The following LAMB3 variants were observed in gnomAD, a reference collection of about 807,000 sequenced individuals.
LAMB3 encodes laminin subunit beta 3.
A neutral mutation model predicts 140.3 loss-of-function variants in LAMB3; 104 were observed. That is an observed-to-expected ratio of 0.74 (90% confidence interval 0.63 to 0.87). LAMB3 has a LOEUF of 0.87. Ranked by LOEUF, LAMB3 falls within the 40% of genes least tolerant of loss-of-function variation. The probability of loss-of-function intolerance (pLI) is 0.00; values close to 1 mark genes in which losing one functional copy is unlikely to be tolerated. For synonymous variants in LAMB3, 592 were observed against 602.9 expected, an observed-to-expected ratio of 0.98 and a Z score of 0.26; for missense variants, 1,531 against 1,575.2, an observed-to-expected ratio of 0.97 and a Z score of 0.47.
intron 18 of LAMB3, among the ~76,000 whole-genome samples, chr1:209,622,168 G>T (rs1009239572): frequency 1.3e-5 from 2 of 152,222 alleles, no homozygotes; most frequent in Admixed American, 6.5e-5. Context: ...AGAGCCCAAG[G>T]TCACTCCCAA....
In LAMB3 at chr1:209,630,608, C is replaced by A; in HGVS notation, c.943+7G>T. On this transcript the variant is annotated splice_region_variant and intron_variant, in intron 9 of 22. Coordinates refer to ENST00000356082, the MANE Select transcript of LAMB3 (RefSeq NM_000228.3). ...CCTACAGGGGAGGGGTGATCCAAAG[C>A]TCCTACTTTGGCATTCATGGGCGTC... The A allele has an allele frequency of 6.2e-7, 1 of 1,614,168 alleles. No individual in the cohort carries two copies. Among genetic ancestry groups the A allele is most frequent in the Non-Finnish European group, 8.5e-7 (1 of 1,180,042 alleles).
rs367703401 is a variant in LAMB3 at position 209,616,451 on chromosome 1, C to T, written c.3382+20G>A. ...CTTCATGAATGCCCAATAGTCCATG[C>T]CCCTAAACCATTCCCTCACCTTTCA... On this transcript the variant is annotated intron_variant, in intron 22 of 22. Coordinates refer to ENST00000356082, the MANE Select transcript of LAMB3 (RefSeq NM_000228.3). 3 of 1,613,694 alleles carry T rather than the reference C, an allele frequency of 1.9e-6. No individual in the cohort carries two copies. In the African/African-American group the frequency reaches 4.0e-5, roughly 22 times the overall value.
At chr1:209,647,829 C>T (rs555243103) in intron 3 of LAMB3, among the ~76,000 whole-genome samples, 25 of 152,280 alleles carry the variant, frequency 1.6e-4, no homozygotes, top group African/African-American at 6.0e-4. Context: ...ACATGAGCCA[C>T]TTCATGGGTG....
intron 8 of LAMB3, among the ~76,000 whole-genome samples, chr1:209,632,130 C>T (rs879653860): frequency 2.6e-5 from 4 of 152,180 alleles, no homozygotes; most frequent in Non-Finnish European, 5.9e-5. Context: ...GGTCTCTCAC[C>T]GTGCCCCATA....
chr1:209,617,530 C>A lies in LAMB3; in HGVS notation c.3108G>T (p.Leu1036=). 4 of 1,614,142 alleles carry A rather than the reference C, an allele frequency of 2.5e-6. No individual in the cohort carries two copies. Among genetic ancestry groups the A allele is most frequent in the Non-Finnish European group, 3.4e-6 (4 of 1,180,046 alleles). ...EKLVTSMTKQ[L]GDFWTRMEEL... is the part of the protein sequence containing the mutation. ...CCTCCATCCGTGTCCAGAAGTCACC[C>A]AGCTGCTTGGTCATGCTTGTCACCA... Residue 1036 remains leucine, a synonymous_variant, in exon 21 of 23, where the codon CTG becomes CTT. Coordinates refer to ENST00000356082, the MANE Select transcript of LAMB3 (RefSeq NM_000228.3).
At position 209,622,893 on chromosome 1, in the gene LAMB3, T is replaced by C. The variant is rs1484817431; in HGVS notation, c.2556+89A>G. The C allele has an allele frequency of 1.8e-5, 27 of 1,488,810 alleles. No homozygotes were observed. The Middle Eastern group carries it at 8.7e-4, about 48-fold the overall frequency. 92.2% of individuals were successfully genotyped at this position (1,488,810 alleles called of 1,614,324 possible). ...CAGGTCACCTAAAATCTCTGGACTTTAGTGTAAAATGGGAACTCTGACTTG... is the reference window on the plus strand; with the variant it reads ...CAGGTCACCTAAAATCTCTGGACTTCAGTGTAAAATGGGAACTCTGACTTG... On this transcript the variant is annotated intron_variant, in intron 17 of 22. Coordinates refer to ENST00000356082, the MANE Select transcript of LAMB3 (RefSeq NM_000228.3).
chr1:209,618,713 C>T lies in LAMB3; in HGVS notation c.2702-54G>A, dbSNP rs1048482094. 1.4e-5 allele frequency: 22 copies of T among 1,546,080 alleles called. No individual in the cohort carries two copies. In the African/African-American group the frequency reaches 1.5e-4, roughly 11 times the overall value. ...GAGCCCACTAACCTCCCCAGAGATA[C>T]GAGGCCTCTCCTAGCTGAGCAGCAC... On this transcript the variant is annotated intron_variant, in intron 18 of 22. Transcript: ENST00000356082.
chr1:209,632,141 T>C (rs1310041845), intron 8 of LAMB3, among the ~76,000 whole-genome samples: 3 of 152,192 alleles, frequency 2.0e-5, no homozygotes, highest in African/African-American at 7.2e-5. Context: ...GTGCCCCATA[T>C]CTCACCACTA....
intron 20 of LAMB3, 148 bp from the exon 21 acceptor site, chr1:209,617,734 T>A: frequency 8.1e-7 from 1 of 1,239,196 alleles, no homozygotes; most frequent in African/African-American, 1.5e-5. Flanking sequence ...TCCTTCTGCA[T>A]CCCAGCCACA....
intron 4 of LAMB3, 111 bp downstream of exon 4, chr1:209,638,423 A>C: frequency 1.3e-6 from 1 of 757,770 alleles, no homozygotes; most frequent in Non-Finnish European, 2.4e-6. Flanking sequence ...CACCCATGTC[A>C]CACCACCATA....
chr1:209,629,741 G>A lies in LAMB3; in HGVS notation c.1128C>T (p.Cys376=). Reference sequence around the variant, plus strand: ...GACTCCGGAGCCTCTACTCACAGATGCAGGTCTCCTGAATGGAAGCTCCCG... The same window carrying A: ...GACTCCGGAGCCTCTACTCACAGATACAGGTCTCCTGAATGGAAGCTCCCG... ...RRPGASIQET[C]ISCECDPDGA... is the part of the protein sequence containing the mutation. The change falls in exon 10 of 23, where the codon TGC becomes TGT. Residue 376 remains cysteine (C), a synonymous_variant. Transcript: ENST00000356082. 1 of 1,613,974 alleles carries A rather than the reference G, an allele frequency of 6.2e-7. No homozygotes were observed. The highest frequency in any genetic ancestry group is 8.5e-7 in the Non-Finnish European group (1 of 1,179,886).
At chr1:209,634,377 G>A in intron 6 of LAMB3, 70 bp downstream of exon 6, 1 of 1,489,344 alleles carries the variant, frequency 6.7e-7, no homozygotes, top group Non-Finnish European at 9.4e-7. Flanking sequence ...AGGAGTCCGT[G>A]TGGCTGTGTG....
chr1:209,623,665 G>A lies in LAMB3; in HGVS notation c.2198C>T (p.Ser733Phe), dbSNP rs768646871. ...EQSAQAAQQV[S>F]DSSRLLDQLR... is the part of the protein sequence containing the mutation. The stretch of plus-strand genomic sequence containing the variant: ...CTGGTCCAAAAGGCGCGAGCTGTCG[G>A]AGACCTGCTGAGCAGCCTGGGCTGA... Residue 733 changes from serine to phenylalanine, a missense_variant, in exon 16 of 23, where the codon TCC becomes TTC. Coordinates refer to ENST00000356082, the MANE Select transcript of LAMB3 (RefSeq NM_000228.3). This position sits in a 1 kb window ranked among gnomAD's most constrained non-coding sequence, Gnocchi z 4.2. 7 of 1,614,222 alleles carry A rather than the reference G, an allele frequency of 4.3e-6. No individual in the cohort carries two copies. The highest frequency in any genetic ancestry group is 4.0e-5 in the African/African-American group (3 of 75,080).
chr1:209,618,689 A>C (rs553519348), intron 18 of LAMB3, 30 bp from the exon 19 acceptor site: 1 of 1,605,876 alleles, frequency 6.2e-7, no homozygotes, highest in Non-Finnish European at 8.5e-7. Context: ...TGACTGTAGG[A>C]GCCCACTAAC....
In LAMB3 at chr1:209,614,941, G is replaced by A. The variant is rs540588997; in HGVS notation, c.*330C>T. Reference sequence around the variant, plus strand: ...GGCTTTTCATTTTTACATCACTTTTGTTAAGTTTTTGTGCTTGGTCCAGGA... The same window carrying A: ...GGCTTTTCATTTTTACATCACTTTTATTAAGTTTTTGTGCTTGGTCCAGGA... On this transcript the variant is annotated 3_prime_UTR_variant, in exon 23 of 23. Transcript: ENST00000356082. 2.4e-5 allele frequency: 6 copies of A among 252,502 alleles called. No homozygotes were observed. The South Asian group carries it at 7.9e-4, about 33-fold the overall frequency. 15.6% of individuals were successfully genotyped at this position (252,502 alleles called of 1,614,324 possible).
intron 14 of LAMB3, among the ~76,000 whole-genome samples, chr1:209,624,222 C>A (rs948058827): frequency 6.6e-6 from 1 of 152,194 alleles, no homozygotes; most frequent in East Asian, 1.9e-4. Flanking sequence ...ACAAAACTCT[C>A]CTCCCTTGAC....
At chr1:209,643,824 T>A (rs79193013) in intron 3 of LAMB3, among the ~76,000 whole-genome samples, 4 of 148,518 alleles carry the variant, frequency 2.7e-5, no homozygotes, top group Non-Finnish European at 4.5e-5. Flanking sequence ...AAAAAAAAAA[T>A]CTAGCTGCCT....
At position 209,617,565 on chromosome 1, in the gene LAMB3, C is replaced by G; in HGVS notation, c.3073G>C (p.Ala1025Pro). The G allele has an allele frequency of 6.2e-7, 1 of 1,614,060 alleles. No homozygotes were observed. Among genetic ancestry groups the G allele is most frequent in the South Asian group, 1.1e-5 (1 of 91,078 alleles). The change falls in exon 21 of 23, where the codon GCA becomes CCA. Residue 1025 changes from alanine (A) to proline (P), a missense_variant. Transcript: ENST00000356082. ...VAEVQQVLRP[A>P]EKLVTSMTKQ... is the part of the protein sequence containing the mutation. ...GTCATGCTTGTCACCAGCTTTTCTG[C>G]TGGCCGCAGTACCTGCTGAACCTTT...
intron 17 of LAMB3, 129 bp downstream of exon 17, chr1:209,622,853 C>T: frequency 7.4e-7 from 1 of 1,342,900 alleles, no homozygotes. Flanking sequence ...CTTGCACTTG[C>T]TGTGGCACCT....
Sources: allele counts gnomAD v4.1 joint callset (sites outside exome capture counted in the v4.1 genomes callset), GRCh38; gene constraint gnomAD v4.1.1; non-coding constraint Gnocchi (gnomAD v3.1); transcripts MANE v1.5; gene names NCBI Gene and HGNC (gene_info 2026-07-23, HGNC 2026-07-21).